ABI3BP: variants seen among roughly 807,000 people sequenced by gnomAD.
ABI3BP encodes ABI family member 3 binding protein.
Under a neutral mutation model 268.6 loss-of-function variants are expected in ABI3BP, and 216 were observed. The ratio of observed to expected loss-of-function variants is 0.80; its 90% CI spans 0.72 to 0.90. The LOEUF is 0.90. ABI3BP is among the 40% of genes least tolerant of loss of function. The pLI, the probability that ABI3BP is intolerant of heterozygous loss-of-function variation, is 0.00. For synonymous variants in ABI3BP, 730 were observed against 730.0 expected, an observed-to-expected ratio of 1.00 and a Z score of 0.00; for missense variants, 2,090 against 2,182.4, an observed-to-expected ratio of 0.96 and a Z score of 0.84.
intron 6 of ABI3BP, 112 bp downstream of exon 6, chr3:100,885,424 T>C: frequency 3.8e-6 from 2 of 532,750 alleles, no homozygotes; most frequent in Admixed American, 3.9e-5. Flanking sequence ...CTTTCTCCAC[T>C]GTTTCATAGC....
intron 2 of ABI3BP, among the ~76,000 whole-genome samples, chr3:100,925,075 A>G (rs534238380): frequency 7.9e-5 from 12 of 152,224 alleles, no homozygotes; most frequent in African/African-American, 2.9e-4. Flanking sequence ...GTTTTTTGGT[A>G]ACAAACTAGT....
In ABI3BP at chr3:100,925,423, T is replaced by G. The variant is rs1182909886; in HGVS notation, c.259+879A>C. On this transcript the variant is annotated intron_variant, in intron 2 of 67. Coordinates refer to ENST00000471714, the MANE Select transcript of ABI3BP (RefSeq NM_001375547.2). ...ATCCTTTAAATATTTATATATTTAT[T>G]TATTTATTTGACAGAGTCTCACTCT... Among the ~76,000 whole-genome samples the G allele has an allele frequency of 7.0e-5, 3 of 42,728 alleles. 1 individual carries two copies. The South Asian group carries it at 4.9e-3, about 70-fold the overall frequency. The allele number at this position is 42,728 out of a possible 152,430, so 28.0% of individuals were successfully genotyped here.
intron 51 of ABI3BP, among the ~76,000 whole-genome samples, chr3:100,804,565 T>G (rs1444469182): frequency 6.6e-6 from 1 of 152,178 alleles, no homozygotes; most frequent in Non-Finnish European, 1.5e-5. Flanking sequence ...AGGAAAGACA[T>G]TCTACCCTTG....
At chr3:100,812,111 A>C (rs777269227) in intron 46 of ABI3BP, among the ~76,000 whole-genome samples, 1 of 152,018 alleles carries the variant, frequency 6.6e-6, no homozygotes, top group Non-Finnish European at 1.5e-5. Flanking sequence ...TAAGAATTCC[A>C]GTTAGAAACA....
intron 15 of ABI3BP, 56 bp from the exon 16 acceptor site, chr3:100,850,790 T>C (rs2098828895): frequency 3.0e-6 from 4 of 1,329,550 alleles, no homozygotes; most frequent in Non-Finnish European, 4.3e-6. Flanking sequence ...AGGAATAAAA[T>C]ACAAATTCAT....
At chr3:100,840,703 T>TCA (rs1316414981) in intron 22 of ABI3BP, 117 bp downstream of exon 22, 606 of 819,064 alleles carry the variant, frequency 7.4e-4, no homozygotes, top group Middle Eastern at 1.1e-3. Flanking sequence ...AACAGAGCAC[T>TCA]CACACACACA....
chr3:100,818,501 T>C (rs1489155477), intron 41 of ABI3BP, 24 bp downstream of exon 41: 4 of 1,524,692 alleles, frequency 2.6e-6, no homozygotes, highest in Non-Finnish European at 3.5e-6. Context: ...AAAGCACTAT[T>C]TGAAGGACAC....
chr3:100,784,908 TA>T (rs1169730268), intron 57 of ABI3BP, among the ~76,000 whole-genome samples: 2 of 152,000 alleles, frequency 1.3e-5, no homozygotes, highest in Non-Finnish European at 2.9e-5. Context: ...AAGCTAGGGA[TA>T]AAAAACTACA....
At chr3:100,895,956 T>G (rs941607664) in intron 4 of ABI3BP, among the ~76,000 whole-genome samples, 6 of 152,198 alleles carry the variant, frequency 3.9e-5, no homozygotes, top group Non-Finnish European at 8.8e-5. Flanking sequence ...AAATGTCGGT[T>G]TATTAACTAT....
rs904625219 is a variant in ABI3BP, at chr3:100,775,272, G to T, written c.4397C>A (p.Thr1466Asn). Residue 1466 changes from threonine (T) to asparagine (N), a missense_variant, in exon 60 of 68, where the codon ACT (threonine) becomes AAT (asparagine). Physicochemically the swap from Thr to Asn is moderately conservative, Grantham distance 65 (BLOSUM62 0). Transcript: ENST00000471714. ...ATCTGTCTCTATTCTCTCCAAGGGA[G>T]TTCCAGTAGGCCTGGGTGTTGACCT... ...PLRSTPRPTGTPLERIETDIK... is the reference protein window; with the variant it reads ...PLRSTPRPTGNPLERIETDIK... 2 of 1,610,328 alleles carry T rather than the reference G, an allele frequency of 1.2e-6. No individual in the cohort carries two copies. The highest frequency in any genetic ancestry group is 2.7e-5 in the African/African-American group (2 of 74,888).
At chr3:100,784,741 T>C (rs1351646020) in intron 57 of ABI3BP, among the ~76,000 whole-genome samples, 1 of 152,170 alleles carries the variant, frequency 6.6e-6, no homozygotes, top group African/African-American at 2.4e-5. Context: ...GCAATTTGGA[T>C]GGATCTAGAG....
intron 4 of ABI3BP, among the ~76,000 whole-genome samples, chr3:100,896,426 A>G (rs1395620570): frequency 1.3e-5 from 2 of 152,222 alleles, no homozygotes; most frequent in Non-Finnish European, 2.9e-5. Context: ...AAGTGTCAGT[A>G]GGACAAAGTG....
At chr3:100,793,271 T>TA (rs777696557) in intron 54 of ABI3BP, among the ~76,000 whole-genome samples, 2 of 151,604 alleles carry the variant, frequency 1.3e-5, no homozygotes, top group South Asian at 2.1e-4. Flanking sequence ...CTTGACAAAA[T>TA]AAAAAAAATA....
In ABI3BP at chr3:100,807,750, G is replaced by A. The variant is rs563393362; in HGVS notation, c.3682+411C>T. Among the ~76,000 whole-genome samples, 6 of 152,144 alleles carry A rather than the reference G, an allele frequency of 3.9e-5. No homozygotes were observed. The South Asian group carries it at 1.0e-3, about 26-fold the overall frequency. On this transcript the variant is annotated intron_variant, in intron 50 of 67. Coordinates refer to ENST00000471714, the MANE Select transcript of ABI3BP (RefSeq NM_001375547.2). ...AGCTTCCTTTGCCGGTATCCTGGGT[G>A]GGTGAACCTCAGACATTTGTTGTAG...
At chr3:100,896,706 T>C (rs2245556) in intron 4 of ABI3BP, among the ~76,000 whole-genome samples, 127,452 of 152,132 alleles carry the variant, frequency 0.84, 53,579 homozygotes, top group East Asian at 1. Flanking sequence ...TTCTCAGCAT[T>C]AGTACCCCAG....
intron 14 of ABI3BP, among the ~76,000 whole-genome samples, chr3:100,860,811 A>T (rs2098989763): frequency 6.6e-6 from 1 of 152,212 alleles, no homozygotes; most frequent in Admixed American, 6.5e-5. Context: ...GATGAAAGGG[A>T]TCTAAAAGTT....
In ABI3BP at chr3:100,876,501, A is replaced by T; in HGVS notation, c.745+11T>A. ...ATTGCTCTAAACACATTTCCAGAGC[A>T]GACAAATTACCTTGCTTGATGATTG... On this transcript the variant is annotated intron_variant, in intron 7 of 67. Coordinates refer to ENST00000471714, the MANE Select transcript of ABI3BP (RefSeq NM_001375547.2). The T allele has an allele frequency of 6.2e-7, 1 of 1,610,658 alleles. No homozygotes were observed. The highest frequency in any genetic ancestry group is 1.3e-5 in the African/African-American group (1 of 74,892).
intron 6 of ABI3BP, among the ~76,000 whole-genome samples, chr3:100,885,155 G>A (rs1012778653): frequency 6.6e-6 from 1 of 152,048 alleles, no homozygotes; most frequent in Non-Finnish European, 1.5e-5. Flanking sequence ...TTTAAGTAGG[G>A]TATGATAGAA....
At chr3:100,977,672 T>C (rs1484480025) in intron 1 of ABI3BP, among the ~76,000 whole-genome samples, 1 of 152,324 alleles carries the variant, frequency 6.6e-6, no homozygotes. Context: ...CTCTGAAAGT[T>C]ACATATTTTC....
Sources: gnomAD v4.1 joint callset for allele counts (sites outside exome capture counted in the v4.1 genomes callset) on GRCh38, gnomAD v4.1.1 for gene constraint, MANE v1.5 for transcripts, NCBI Gene and HGNC (gene_info 2026-07-23, HGNC 2026-07-21) for gene names.